The following LTBP2 variants were observed in gnomAD, a reference collection of about 807,000 sequenced individuals.
LTBP2 encodes latent-transforming growth factor beta-binding protein 2.
LTBP2 carries 103 observed loss-of-function variants against 210.6 expected under a neutral mutation model. That is an observed-to-expected ratio of 0.49 (90% CI 0.42 to 0.58). The LOEUF (loss-of-function observed/expected upper bound fraction) is 0.58. Among genes scored for constraint, LTBP2 ranks in the 20% least tolerant of loss-of-function variants. The probability of loss-of-function intolerance (pLI) is 0.00; values close to 1 mark genes in which losing one functional copy is unlikely to be tolerated. For missense variants in LTBP2, 2,313 were observed against 2,494.5 expected (o/e 0.93, Z 1.55); for synonymous variants, 1,007 against 1,015.0 (o/e 0.99, Z 0.15).
At chr14:74,540,926 T>TTA (rs1555350222) in intron 8 of LTBP2, among the ~76,000 whole-genome samples, 19 of 16,400 alleles carry the variant, frequency 1.2e-3, no homozygotes, top group East Asian at 7.7e-3. Context: ...TATATATAGG[T>TTA]TATATATATA....
intron 13 of LTBP2, 85 bp from the exon 14 acceptor site, chr14:74,526,199 C>CTGGTAGGAAGCCCGGAGGT: frequency 7.4e-7 from 1 of 1,350,560 alleles, no homozygotes; most frequent in Non-Finnish European, 1.0e-6. Context: ...CCCCCACCTC[C>CTGGTAGGAAGCCCGGAGGT]GGGCTTCCTA....
At position 74,552,071 on chromosome 14, in the gene LTBP2, A is replaced by G. The variant is rs1555350922; in HGVS notation, c.1399+116T>C. 3.1e-6 allele frequency: 3 copies of G among 959,986 alleles called. No homozygotes were observed. The South Asian group carries it at 4.2e-5, about 13-fold the overall frequency. 59.5% of individuals were successfully genotyped at this position (959,986 alleles called of 1,614,324 possible). A position where few individuals can be genotyped will look rare whatever the true frequency, so the allele number is the denominator to read the frequency against. On this transcript the variant is annotated intron_variant, in intron 6 of 35. Transcript: ENST00000261978. ...GGGCCAGGAGAAAGAGGGAGGTTTG[A>G]TCATAAAGGAAGGACTACAGGCAGC... is the stretch of plus-strand genomic sequence containing the variant.
chr14:74,556,586 A>G (rs761151495), intron 3 of LTBP2, among the ~76,000 whole-genome samples: 3 of 152,220 alleles, frequency 2.0e-5, no homozygotes, highest in African/African-American at 4.8e-5. Flanking sequence ...GCGCGATCTC[A>G]GCTCACTGCG....
intron 1 of LTBP2, among the ~76,000 whole-genome samples, chr14:74,609,908 G>T (rs940308434): frequency 6.6e-6 from 1 of 152,242 alleles, no homozygotes; most frequent in African/African-American, 2.4e-5. Context: ...GCATTCACTT[G>T]CACAGATCAG....
intron 9 of LTBP2, among the ~76,000 whole-genome samples, chr14:74,535,087 A>C (rs1002788771): frequency 1.3e-5 from 2 of 152,038 alleles, no homozygotes; most frequent in Non-Finnish European, 2.9e-5. Flanking sequence ...CTGGCTCCTG[A>C]GGGAGTCTGA....
intron 2 of LTBP2, among the ~76,000 whole-genome samples, chr14:74,592,593 G>A (rs928348928): frequency 1.3e-5 from 2 of 152,042 alleles, no homozygotes; most frequent in Non-Finnish European, 2.9e-5. Context: ...AGCTACTTGT[G>A]AGGCTGAGGT....
At chr14:74,608,827 A>C (rs75476517) in intron 1 of LTBP2, among the ~76,000 whole-genome samples, 7,446 of 152,150 alleles carry the variant, frequency 0.049, 272 homozygotes, top group Non-Finnish European at 0.073. Context: ...CACTCTGGTC[A>C]CTGCTGTATC....
chr14:74,552,945 G>A lies in LTBP2; in HGVS notation c.1139C>T (p.Thr380Ile). 1.9e-6 allele frequency: 3 copies of A among 1,614,022 alleles called. No homozygotes were observed. The highest frequency in any genetic ancestry group is 2.2e-5 in the East Asian group (1 of 44,876). The change falls in exon 5 of 36, where the codon ACC becomes ATC. Residue 380 changes from threonine to isoleucine, a missense_variant. By Grantham distance (89) the Thr-to-Ile change is moderately conservative. This residue lies in a region of LTBP2 where 1,867 missense variants were observed against 1,976.9 expected (regional missense o/e 0.94). Transcript: ENST00000261978. ...ANSCERGDTT[T>I]LYSQGGHGHD... Reference sequence around the variant, plus strand: ...CCCATGGCCGCCCTGGCTGTACAGGGTGGTGGTGTCGCCCCTCTCACAGCT... The same window carrying A: ...CCCATGGCCGCCCTGGCTGTACAGGATGGTGGTGTCGCCCCTCTCACAGCT...
chr14:74,506,162 C>A lies in LTBP2; in HGVS notation c.4063G>T (p.Val1355Leu), dbSNP rs757901279. 6.2e-7 allele frequency: 1 copy of A among 1,614,232 alleles called. No homozygotes were observed. Among genetic ancestry groups the A allele is most frequent in the African/African-American group, 1.3e-5 (1 of 75,052 alleles). ...DVNECELMLA[V>L]CGAALCENVE... ...TTCTCACAGAGCGCGGCCCCACATACCGCCAGCATAAGCTCACACTCGTTC... is the reference window on the plus strand; with the variant it reads ...TTCTCACAGAGCGCGGCCCCACATAACGCCAGCATAAGCTCACACTCGTTC... Residue 1355 changes from valine (V) to leucine (L), a missense_variant, in exon 28 of 36, where the codon GTA (valine) becomes TTA (leucine). This residue lies in a region of LTBP2 where 1,867 missense variants were observed against 1,976.9 expected (regional missense o/e 0.94). Coordinates refer to ENST00000261978, the MANE Select transcript of LTBP2 (RefSeq NM_000428.3).
chr14:74,611,984 G>A lies in LTBP2; in HGVS notation c.-40C>T. ...GGAGAGTGGTGCGCGCGGGCACCGCGAAGAGCTTTGTGGTCGGCACGCTGG... is the reference window on the plus strand; with the variant it reads ...GGAGAGTGGTGCGCGCGGGCACCGCAAAGAGCTTTGTGGTCGGCACGCTGG... On this transcript the variant is annotated 5_prime_UTR_variant, in exon 1 of 36. Coordinates refer to ENST00000261978, the MANE Select transcript of LTBP2 (RefSeq NM_000428.3). The A allele has an allele frequency of 6.6e-7, 1 of 1,514,878 alleles. No homozygotes were observed. Among genetic ancestry groups the A allele is most frequent in the Non-Finnish European group, 8.8e-7 (1 of 1,140,566 alleles). 93.8% of individuals were successfully genotyped at this position (1,514,878 alleles called of 1,614,324 possible).
chr14:74,518,520 C>T (rs1460695258), intron 17 of LTBP2, among the ~76,000 whole-genome samples: 2 of 152,196 alleles, frequency 1.3e-5, no homozygotes, highest in Admixed American at 6.5e-5. Context: ...TCCAACCCAG[C>T]GTCCCCTGAG....
rs1419817626 is a variant in LTBP2 at position 74,522,999 on chromosome 14, T to TG, written c.2531-82dup. ...AGTGGAGCGGGGTGGGGACAGTCAG[T>TG]GGCCAGGGTCTAGGGGCCTCAGAAG... On this transcript the variant is annotated intron_variant, in intron 15 of 35. Coordinates refer to ENST00000261978, the MANE Select transcript of LTBP2 (RefSeq NM_000428.3). 6.5e-6 allele frequency: 10 copies of TG among 1,543,388 alleles called. No individual in the cohort carries two copies. The Admixed American group carries it at 1.9e-4, about 30-fold the overall frequency.
intron 34 of LTBP2, chr14:74,502,114 G>T: frequency 3.4e-6 from 1 of 290,430 alleles, no homozygotes; most frequent in Non-Finnish European, 6.6e-6. Flanking sequence ...TATGGTTTTA[G>T]TCTGATGTGG....
At position 74,508,922 on chromosome 14, in the gene LTBP2, C is replaced by A. The variant is rs1292378882; in HGVS notation, c.3434G>T (p.Ser1145Ile). 2 of 1,613,684 alleles carry A rather than the reference C, an allele frequency of 1.2e-6. No individual in the cohort carries two copies. Among genetic ancestry groups the A allele is most frequent in the African/African-American group, 2.7e-5 (2 of 74,922 alleles). The part of the protein sequence containing the change: ...DVDECEDPQS[S>I]CLGGECKNTV... The stretch of plus-strand genomic sequence containing the variant: ...GTTCTTGCACTCGCCTCCCAGGCAG[C>A]TGCTCTGGGGGTCTTCACATTCATC... Residue 1145 changes from serine to isoleucine, a missense_variant, in exon 23 of 36, where the codon AGC (serine) becomes ATC (isoleucine). By Grantham distance (142) the Ser-to-Ile change is moderately radical (BLOSUM62 -2). Coordinates refer to ENST00000261978, the MANE Select transcript of LTBP2 (RefSeq NM_000428.3).
Position 74,529,064 on chromosome 14 carries a change from G to A in LTBP2, c.2046C>T (p.Thr682=), listed in dbSNP as rs745793833. The A allele has an allele frequency of 4.1e-5, 64 of 1,563,024 alleles. No individual in the cohort carries two copies. The highest frequency in any genetic ancestry group is 5.5e-5 in the Non-Finnish European group (63 of 1,153,672). ...TCCGCTGGGCCAAAGGCAGGGTGCAGGTGCCGGGCCCCAGCGACCGGTAGC... is the reference window on the plus strand; with the variant it reads ...TCCGCTGGGCCAAAGGCAGGGTGCAAGTGCCGGGCCCCAGCGACCGGTAGC... ...GLCYRSLGPG[T]CTLPLAQRIT... The change falls in exon 11 of 36, where the codon ACC becomes ACT. Residue 682 remains threonine, a synonymous_variant. Transcript: ENST00000261978.
chr14:74,555,390 GA>G (rs1683354301), intron 4 of LTBP2, 112 bp downstream of exon 4: 1 of 1,109,428 alleles, frequency 9.0e-7, no homozygotes, highest in Non-Finnish European at 1.3e-6. Context: ...CTGAAAGAAT[GA>G]GGGACAAGGT....
intron 8 of LTBP2, among the ~76,000 whole-genome samples, chr14:74,539,698 G>A (rs111894002): frequency 6.6e-6 from 1 of 151,458 alleles, no homozygotes; most frequent in African/African-American, 2.4e-5. Flanking sequence ...AGAGGGAGAC[G>A]GAGACGGAGA....
chr14:74,521,389 G>A (rs2087200053), intron 17 of LTBP2, among the ~76,000 whole-genome samples: 1 of 151,612 alleles, frequency 6.6e-6, no homozygotes, highest in Non-Finnish European at 1.5e-5. Context: ...GGTTTGCGTT[G>A]GGAGCGTATT....
At chr14:74,579,309 TC>T (rs2088104557) in intron 3 of LTBP2, among the ~76,000 whole-genome samples, 1 of 152,136 alleles carries the variant, frequency 6.6e-6, no homozygotes, top group South Asian at 2.1e-4. Context: ...TTTTGATAGT[TC>T]CCTCCGTTCC....
Sources: gnomAD v4.1 joint callset for allele counts (sites outside exome capture counted in the v4.1 genomes callset) on GRCh38, gnomAD v4.1.1 for gene constraint, gnomAD v4.1.1 regional missense constraint, MANE v1.5 for transcripts, NCBI Gene and HGNC (gene_info 2026-07-23, HGNC 2026-07-21) for gene names.